Variants in SHISA9 observed in about 807,000 individuals in gnomAD.
SHISA9 encodes the protein protein shisa-9.
A neutral mutation model predicts 38.0 loss-of-function variants in SHISA9; 13 were observed. The ratio of observed to expected loss-of-function variants is 0.34; its 90% CI spans 0.22 to 0.54. SHISA9 has a LOEUF of 0.54. Ranked by LOEUF, SHISA9 falls within the 20% of genes least tolerant of loss-of-function variation. SHISA9 has a pLI of 0.91. For missense variants in SHISA9, 538 were observed against 575.8 expected (o/e 0.93, Z 0.67); for synonymous variants, 275 against 242.0 (o/e 1.14, Z -1.27).
chr16:13,134,443 A>G (rs1027129013), intron 2 of SHISA9, among the ~76,000 whole-genome samples: 4 of 152,118 alleles, frequency 2.6e-5, no homozygotes, highest in Non-Finnish European at 4.4e-5. Context: ...TCCCAGGCCA[A>G]TGGGGGAGAG....
intron 2 of SHISA9, among the ~76,000 whole-genome samples, chr16:13,135,151 C>G (rs1185356626): frequency 1.3e-5 from 2 of 152,162 alleles, no homozygotes; most frequent in Non-Finnish European, 2.9e-5. Flanking sequence ...TAGGGAAGAA[C>G]AGCAAATGTT....
At chr16:12,933,084 A>G (rs62029752) in intron 2 of SHISA9, among the ~76,000 whole-genome samples, 37,039 of 152,160 alleles carry the variant, frequency 0.24, 4,974 homozygotes, top group East Asian at 0.38. Flanking sequence ...AGTGCCTAAC[A>G]TATGGTGTTT....
At chr16:13,312,203 A>G in the SHISA9 span, among the ~76,000 whole-genome samples, 3 of 152,246 alleles carry the variant, frequency 2.0e-5, no homozygotes, top group Non-Finnish European at 2.9e-5. Context: ...GTGCTGCTGT[A>G]GCATGAAAGC....
the SHISA9 span, among the ~76,000 whole-genome samples, chr16:13,399,306 T>A: frequency 1.3e-5 from 2 of 151,940 alleles, no homozygotes; most frequent in African/African-American, 4.8e-5. Context: ...CCTGGGTCCT[T>A]CCTTCTAAGT....
chr16:13,560,786 G>T, the SHISA9 span, among the ~76,000 whole-genome samples: 1 of 149,716 alleles, frequency 6.7e-6, no homozygotes, highest in South Asian at 2.1e-4. Flanking sequence ...AAGGAGAAGA[G>T]AAGAGGCTAT....
At chr16:13,416,436 C>A in the SHISA9 span, among the ~76,000 whole-genome samples, 1 of 152,128 alleles carries the variant, frequency 6.6e-6, no homozygotes, top group East Asian at 1.9e-4. Context: ...CCAGTTTAAC[C>A]ATCATATGTC....
At chr16:12,914,046 CT>C (rs61679035) in intron 1 of SHISA9, among the ~76,000 whole-genome samples, 23,490 of 123,680 alleles carry the variant, frequency 0.19, 1,783 homozygotes, top group Non-Finnish European at 0.27. Context: ...GTTTGTTTTT[CT>C]TTTTTTTTTT....
the SHISA9 span, among the ~76,000 whole-genome samples, chr16:13,550,324 A>C: frequency 1.3e-5 from 2 of 152,204 alleles, no homozygotes; most frequent in African/African-American, 4.8e-5. Flanking sequence ...TCATCCATGC[A>C]GAAAGAAAGT....
In SHISA9 at chr16:13,228,246, C is replaced by A. The variant is rs376733758; in HGVS notation, c.896-6784C>A. ...AAACACTTTCTGTGCTCAGGGAGTA[C>A]CCAATACCAGATTCACCAAGCAACC... On this transcript the variant is annotated intron_variant, in intron 4 of 4. Coordinates refer to ENST00000558583, the MANE Select transcript of SHISA9 (RefSeq NM_001145204.3). 2.8e-4 allele frequency among the ~76,000 whole-genome samples: 42 copies of A among 152,282 alleles called. No homozygotes were observed. The South Asian group carries it at 3.7e-3, about 14-fold the overall frequency.
At chr16:13,155,828 C>T (rs2050541599) in intron 2 of SHISA9, among the ~76,000 whole-genome samples, 2 of 152,020 alleles carry the variant, frequency 1.3e-5, no homozygotes, top group Non-Finnish European at 2.9e-5. Flanking sequence ...TTCCATGTTC[C>T]CTGTATAGTA....
At chr16:13,552,533 C>A in the SHISA9 span, among the ~76,000 whole-genome samples, 1 of 151,386 alleles carries the variant, frequency 6.6e-6, no homozygotes, top group Non-Finnish European at 1.5e-5. Flanking sequence ...TGATTTCATC[C>A]CTGCAACAAC....
chr16:12,982,775 A>C (rs944877823), intron 2 of SHISA9, among the ~76,000 whole-genome samples: 2 of 152,224 alleles, frequency 1.3e-5, no homozygotes, highest in African/African-American at 4.8e-5. Context: ...GTGGGCAGGT[A>C]TGATAATTTC....
At chr16:13,338,751 A>G in the SHISA9 span, among the ~76,000 whole-genome samples, 1 of 152,142 alleles carries the variant, frequency 6.6e-6, no homozygotes, top group East Asian at 1.9e-4. Flanking sequence ...CTGGTTTGTA[A>G]TCTCCAGGTG....
intron 1 of SHISA9, among the ~76,000 whole-genome samples, chr16:12,913,395 C>A (rs1451623377): frequency 6.6e-6 from 1 of 152,136 alleles, no homozygotes; most frequent in Middle Eastern, 3.2e-3. Context: ...TGGGGTTTCA[C>A]CATGTTGGCC....
intron 2 of SHISA9, among the ~76,000 whole-genome samples, chr16:13,076,836 G>T (rs574839733): frequency 6.6e-6 from 1 of 152,188 alleles, no homozygotes; most frequent in Non-Finnish European, 1.5e-5. Context: ...GTCTGAGACC[G>T]TATCCCTACT....
At position 13,155,176 on chromosome 16, in the gene SHISA9, T is replaced by C. The variant is rs1176071158; in HGVS notation, c.692-48218T>C. Among the ~76,000 whole-genome samples the C allele has an allele frequency of 3.9e-5, 6 of 152,300 alleles. 1 individual carries two copies. In the South Asian group the frequency reaches 6.2e-4, roughly 16 times the overall value. On this transcript the variant is annotated intron_variant, in intron 2 of 4. Transcript: ENST00000558583. Reference sequence around the variant, plus strand: ...GGAAGTAGATTAGAACAGAATGGATTGAACTGGGATCAAATGGGATGAGTT... The same window carrying C: ...GGAAGTAGATTAGAACAGAATGGATCGAACTGGGATCAAATGGGATGAGTT...
chr16:13,049,156 A>ATGTGTGTGTGTG (rs10526925), intron 2 of SHISA9, among the ~76,000 whole-genome samples: 2 of 63,984 alleles, frequency 3.1e-5, no homozygotes, highest in East Asian at 5.2e-4. Flanking sequence ...GGTTAGGAGT[A>ATGTGTGTGTGTG]TGTGTGTGTG....
At chr16:13,110,845 G>A (rs1459731314) in intron 2 of SHISA9, among the ~76,000 whole-genome samples, 1 of 152,228 alleles carries the variant, frequency 6.6e-6, no homozygotes, top group Non-Finnish European at 1.5e-5. Context: ...AGATGCCAAT[G>A]TTACTTGGGC....
At chr16:12,952,342 C>T (rs137875936) in intron 2 of SHISA9, among the ~76,000 whole-genome samples, 3 of 152,334 alleles carry the variant, frequency 2.0e-5, no homozygotes, top group Non-Finnish European at 2.9e-5. Flanking sequence ...GGTCCCTCCT[C>T]ACAAATGTGG....
Sources: gnomAD v4.1 joint callset for allele counts (sites outside exome capture counted in the v4.1 genomes callset) on GRCh38, gnomAD v4.1.1 for gene constraint, MANE v1.5 for transcripts, NCBI Gene and HGNC (gene_info 2026-07-23, HGNC 2026-07-21) for gene names.